NDST3: variants seen among roughly 807,000 people sequenced by gnomAD.
NDST3 encodes N-deacetylase and N-sulfotransferase 3.
A neutral mutation model predicts 96.1 loss-of-function variants in NDST3; 58 were observed. That is an observed-to-expected ratio of 0.60 (90% CI 0.49 to 0.75). The LOEUF (loss-of-function observed/expected upper bound fraction) is 0.75. Among genes scored for constraint, NDST3 ranks in the 30% least tolerant of loss-of-function variants. NDST3 has a pLI of 0.00. For missense variants in NDST3, 788 were observed against 1,034.2 expected, an observed-to-expected ratio of 0.76 and a Z score of 3.27; for synonymous variants, 333 against 359.7, an observed-to-expected ratio of 0.93 and a Z score of 0.84.
At chr4:118,104,961 T>C in intron 2 of NDST3, 57 bp from the exon 3 acceptor site, 4 of 1,422,772 alleles carry the variant, frequency 2.8e-6, no homozygotes, top group Non-Finnish European at 4.0e-6. Context: ...ATATATCTTT[T>C]GGAAACTTTT....
At chr4:118,240,868 A>G (rs1174548100) in intron 11 of NDST3, among the ~76,000 whole-genome samples, 174 bp downstream of exon 11, 1 of 152,210 alleles carries the variant, frequency 6.6e-6, no homozygotes, top group Non-Finnish European at 1.5e-5. Flanking sequence ...TTAATTTTCT[A>G]AGAGTATTTC....
intron 4 of NDST3, among the ~76,000 whole-genome samples, chr4:118,134,279 AGCAAGGATCATATGCAGCGCTT>A (rs1439396633): frequency 6.6e-6 from 1 of 152,230 alleles, no homozygotes; most frequent in African/African-American, 2.4e-5. Context: ...TAGACAAAGA[AGCAAGGATCATATGCAGCGCTT>A]GCGATCATGC....
At chr4:118,196,066 T>C (rs1447312257) in intron 6 of NDST3, among the ~76,000 whole-genome samples, 2 of 152,206 alleles carry the variant, frequency 1.3e-5, no homozygotes, top group East Asian at 3.9e-4. Context: ...GGATGTTGAA[T>C]TGTATCAAAT....
At chr4:118,179,213 A>G (rs140912092) in intron 6 of NDST3, among the ~76,000 whole-genome samples, 73 of 152,164 alleles carry the variant, frequency 4.8e-4, no homozygotes, top group African/African-American at 1.7e-3. Flanking sequence ...ATATCTTTAA[A>G]AAGATAGTCC....
intron 6 of NDST3, among the ~76,000 whole-genome samples, chr4:118,175,698 C>T (rs1477615392): frequency 6.6e-6 from 1 of 152,098 alleles, no homozygotes; most frequent in Non-Finnish European, 1.5e-5. Context: ...TTATAAAAAC[C>T]TCAATTGTGT....
chr4:118,114,132 T>C (rs1307239418), intron 3 of NDST3, among the ~76,000 whole-genome samples: 1 of 151,722 alleles, frequency 6.6e-6, no homozygotes, highest in African/African-American at 2.4e-5. Flanking sequence ...TCCAACAACT[T>C]GAGAGAAAGG....
intron 6 of NDST3, among the ~76,000 whole-genome samples, chr4:118,160,656 T>C (rs963507121): frequency 1.3e-5 from 2 of 152,148 alleles, no homozygotes; most frequent in African/African-American, 4.8e-5. Context: ...CTCCAGTTGA[T>C]CGCATCGGCT....
At chr4:118,051,509 C>T (rs950761660) in intron 1 of NDST3, among the ~76,000 whole-genome samples, 3 of 151,984 alleles carry the variant, frequency 2.0e-5, no homozygotes, top group African/African-American at 7.2e-5. Context: ...AAGTGTGCAT[C>T]CAACAAAGGT....
intron 2 of NDST3, among the ~76,000 whole-genome samples, chr4:118,093,545 CTTAT>C (rs1190393517): frequency 3.3e-5 from 5 of 151,812 alleles, no homozygotes; most frequent in African/African-American, 1.2e-4. Flanking sequence ...TGTACCCTAA[CTTAT>C]ATATGTATCT....
chr4:118,202,901 G>A (rs1738189243), intron 6 of NDST3, among the ~76,000 whole-genome samples: 1 of 152,148 alleles, frequency 6.6e-6, no homozygotes, highest in African/African-American at 2.4e-5. Flanking sequence ...AGTTCTCAAA[G>A]GGAATGCTTC....
At chr4:118,145,081 G>C (rs964915823) in intron 6 of NDST3, among the ~76,000 whole-genome samples, 2 of 152,154 alleles carry the variant, frequency 1.3e-5, no homozygotes, top group African/African-American at 4.8e-5. Flanking sequence ...ATACAAATAA[G>C]TCTGGTTTGA....
chr4:118,236,503 A>T (rs1740656089), intron 9 of NDST3, among the ~76,000 whole-genome samples: 1 of 152,252 alleles, frequency 6.6e-6, no homozygotes, highest in Non-Finnish European at 1.5e-5. Flanking sequence ...TATGAGAAAA[A>T]TTAAGCAAAT....
intron 4 of NDST3, among the ~76,000 whole-genome samples, chr4:118,129,490 T>A (rs1008980067): frequency 6.6e-6 from 1 of 152,046 alleles, no homozygotes; most frequent in Non-Finnish European, 1.5e-5. Context: ...ATTGAGTTTG[T>A]ATAGTTTCCA....
At chr4:118,122,497 T>C (rs1731684206) in intron 4 of NDST3, among the ~76,000 whole-genome samples, 1 of 152,004 alleles carries the variant, frequency 6.6e-6, no homozygotes, top group South Asian at 2.1e-4. Flanking sequence ...GTTTTTTCTT[T>C]CTTTTGTACC....
At chr4:118,036,641 G>T (rs1367540446) in intron 1 of NDST3, among the ~76,000 whole-genome samples, 2 of 152,190 alleles carry the variant, frequency 1.3e-5, no homozygotes. Flanking sequence ...TCTCGTAAAG[G>T]GGTGATTTTA....
intron 4 of NDST3, among the ~76,000 whole-genome samples, chr4:118,123,510 A>G (rs916539847): frequency 6.6e-6 from 1 of 152,126 alleles, no homozygotes; most frequent in Non-Finnish European, 1.5e-5. Flanking sequence ...TTTTCTTTTC[A>G]GTTATTTTGC....
chr4:118,234,746 C>T (rs911730564), intron 9 of NDST3, among the ~76,000 whole-genome samples: 18 of 151,706 alleles, frequency 1.2e-4, no homozygotes, highest in African/African-American at 4.4e-4. Context: ...AACAAAAAGT[C>T]CAGCTGGGCA....
chr4:118,116,791 G>C (rs746708567), intron 4 of NDST3, among the ~76,000 whole-genome samples: 2 of 151,926 alleles, frequency 1.3e-5, no homozygotes, highest in African/African-American at 4.8e-5. Flanking sequence ...CCAGGAGGTG[G>C]AGCTTGCAGT....
intron 4 of NDST3, among the ~76,000 whole-genome samples, chr4:118,135,135 G>A (rs1212889014): frequency 6.6e-6 from 1 of 152,142 alleles, no homozygotes; most frequent in African/African-American, 2.4e-5. Context: ...AAATTTGGGA[G>A]CAAATTTATG....
Sources: gnomAD v4.1 joint callset for allele counts (sites outside exome capture counted in the v4.1 genomes callset) on GRCh38, gnomAD v4.1.1 for gene constraint, MANE v1.5 for transcripts, NCBI Gene and HGNC (gene_info 2026-07-23, HGNC 2026-07-21) for gene names.